The following SLCO3A1 variants were observed in gnomAD, a reference collection of about 807,000 sequenced individuals.
The protein encoded by SLCO3A1 is PGE1 transporter.
In SLCO3A1, 27 loss-of-function variants were observed where a neutral mutation model predicts 63.1. The observed-to-expected ratio is 0.43, with a 90% CI of 0.32 to 0.59. The LOEUF (loss-of-function observed/expected upper bound fraction) is 0.59, where lower values mean the gene tolerates loss of function less well. SLCO3A1 is among the 20% of genes least tolerant of loss of function. The pLI is 0.09. For synonymous variants in SLCO3A1, 473 were observed against 409.9 expected, an observed-to-expected ratio of 1.15 and a Z score of -1.86; for missense variants, 773 against 945.8, an observed-to-expected ratio of 0.82 and a Z score of 2.40.
At chr15:91,884,827 C>T (rs1330212662) in intron 1 of SLCO3A1, among the ~76,000 whole-genome samples, 1 of 151,914 alleles carries the variant, frequency 6.6e-6, no homozygotes, top group African/African-American at 2.4e-5. Context: ...AGGCCCCATG[C>T]TGCATATTTT....
Position 92,013,049 on chromosome 15 carries a change from G to C in SLCO3A1, c.647-81832G>C, listed in dbSNP as rs188649083. On this transcript the variant is annotated intron_variant, in intron 2 of 9. Coordinates refer to ENST00000318445, the MANE Select transcript of SLCO3A1 (RefSeq NM_013272.4). ...GTGGCCCCACAGTTCTGGCTACGAG[G>C]CTTCAGCTTCCAGAGAGAGGGAGAC... Among the ~76,000 whole-genome samples, 679 of 152,330 alleles carry C rather than the reference G, an allele frequency of 4.5e-3. 3 individuals are homozygous for C. Among genetic ancestry groups the C allele is most frequent in the Non-Finnish European group, 5.4e-3 (369 of 68,018 alleles).
intron 2 of SLCO3A1, among the ~76,000 whole-genome samples, chr15:92,094,356 G>A (rs185986948): frequency 5.8e-4 from 88 of 152,242 alleles, no homozygotes; most frequent in Admixed American, 1.0e-3. Flanking sequence ...ATTTACCATC[G>A]TGTGAACTTT....
At position 92,162,861 on chromosome 15, in the gene SLCO3A1, T is replaced by C. The variant is rs1293495664; in HGVS notation, c.1859T>C (p.Val620Ala). ...EQGACVLYDNVVYRYLYVSIA... is the reference protein window; with the variant it reads ...EQGACVLYDNAVYRYLYVSIA... ...GGCGCCTGCGTCCTCTACGACAATGTGGTCTACCGATACCTGTATGTCAGC... is the reference window on the plus strand; with the variant it reads ...GGCGCCTGCGTCCTCTACGACAATGCGGTCTACCGATACCTGTATGTCAGC... The change falls in exon 10 of 10, where the codon GTG becomes GCG. Residue 620 changes from valine to alanine, a missense_variant. By Grantham distance (64) the Val-to-Ala change is moderately conservative. Transcript: ENST00000318445. 1 of 1,614,216 alleles carries C rather than the reference T, an allele frequency of 6.2e-7. No homozygotes were observed. Among genetic ancestry groups the C allele is most frequent in the South Asian group, 1.1e-5 (1 of 91,080 alleles).
intron 2 of SLCO3A1, among the ~76,000 whole-genome samples, chr15:92,030,094 T>G (rs994838861): frequency 6.6e-6 from 1 of 152,230 alleles, no homozygotes; most frequent in Non-Finnish European, 1.5e-5. Flanking sequence ...TCTGCCCACG[T>G]TCCTACCATA....
chr15:92,077,183 C>T (rs1393803450), intron 2 of SLCO3A1, among the ~76,000 whole-genome samples: 1 of 152,126 alleles, frequency 6.6e-6, no homozygotes, highest in Non-Finnish European at 1.5e-5. Context: ...CATGGGGTCC[C>T]TCCCACGACC....
At chr15:91,977,440 G>T (rs1008574570) in intron 2 of SLCO3A1, among the ~76,000 whole-genome samples, 3 of 152,210 alleles carry the variant, frequency 2.0e-5, no homozygotes, top group Non-Finnish European at 4.4e-5. Context: ...AGTTCAGTCA[G>T]TTTGGGGTTA....
rs535685406 is a variant in SLCO3A1 at position 91,863,481 on chromosome 15, G to A, written c.180+9393G>A. On this transcript the variant is annotated intron_variant, in intron 1 of 9. Coordinates refer to ENST00000318445, the MANE Select transcript of SLCO3A1 (RefSeq NM_013272.4). This position sits in a 1 kb window ranked among gnomAD's most constrained non-coding sequence, Gnocchi z 4.3. ...CATCCTTTGGCCGTTTCATTTCTCA[G>A]AGTGCTGCTGTGATAGCACTTGGAA... is the stretch of plus-strand genomic sequence containing the variant. Among the ~76,000 whole-genome samples the A allele has an allele frequency of 4.3e-4, 66 of 152,344 alleles. No homozygotes were observed. Among genetic ancestry groups the A allele is most frequent in the African/African-American group, 1.4e-3 (57 of 41,572 alleles).
At chr15:91,926,558 CGTGTGTGTGTGTGTGTGT>C (rs565234731) in intron 2 of SLCO3A1, among the ~76,000 whole-genome samples, 14 of 126,082 alleles carry the variant, frequency 1.1e-4, no homozygotes, top group African/African-American at 4.4e-4. Context: ...CCTGCCAAGC[CGTGTGTGTGTGTGTGTGT>C]GTGTGTGTGT....
At chr15:91,979,312 G>A (rs989134289) in intron 2 of SLCO3A1, among the ~76,000 whole-genome samples, 1 of 152,182 alleles carries the variant, frequency 6.6e-6, no homozygotes, top group Admixed American at 6.5e-5. Flanking sequence ...TAGCTTGAAG[G>A]TAATTTGATA....
intron 2 of SLCO3A1, among the ~76,000 whole-genome samples, chr15:91,983,539 TC>T (rs1240434592): frequency 6.6e-6 from 1 of 152,172 alleles, no homozygotes; most frequent in Non-Finnish European, 1.5e-5. Context: ...AGAACTGAAA[TC>T]CATCAGAACG....
chr15:91,879,218 C>A (rs1897487173), intron 1 of SLCO3A1, among the ~76,000 whole-genome samples: 1 of 152,074 alleles, frequency 6.6e-6, no homozygotes, highest in African/African-American at 2.4e-5. Context: ...TATTGCTTGA[C>A]CCTGAGTGGG....
At position 92,162,793 on chromosome 15, in the gene SLCO3A1, C is replaced by T. The variant is rs150046342; in HGVS notation, c.1791C>T (p.Ile597=). 5.1e-5 allele frequency: 83 copies of T among 1,613,866 alleles called. No individual in the cohort carries two copies. In the Middle Eastern group the frequency reaches 8.3e-4, roughly 16 times the overall value. Residue 597 remains isoleucine (I), a synonymous_variant, in exon 10 of 10, where the codon ATC becomes ATT. Transcript: ENST00000318445. The stretch of plus-strand genomic sequence containing the variant: ...CACCCCTCATCTTCGGGGCTGGCAT[C>T]GACTCCACCTGCCTGTTCTGGAGCA... ...IPPPLIFGAG[I]DSTCLFWSTF...
chr15:92,039,759 C>T (rs774509931), intron 2 of SLCO3A1, among the ~76,000 whole-genome samples: 8 of 152,142 alleles, frequency 5.3e-5, no homozygotes, highest in East Asian at 1.9e-4. Context: ...AGAAGACACA[C>T]GCACATGTAT....
chr15:92,128,826 A>G (rs968365944), intron 7 of SLCO3A1, among the ~76,000 whole-genome samples: 9 of 152,212 alleles, frequency 5.9e-5, no homozygotes, highest in Admixed American at 5.2e-4. Flanking sequence ...CACCAGAAGT[A>G]TGTCAAGAGA....
chr15:91,901,893 T>G (rs1158246555), intron 1 of SLCO3A1, among the ~76,000 whole-genome samples: 1 of 124,302 alleles, frequency 8.0e-6, no homozygotes. Context: ...GTTTGGGCCA[T>G]TATTTCTTCA....
chr15:92,051,451 G>A (rs973558990), intron 2 of SLCO3A1, among the ~76,000 whole-genome samples: 1 of 151,994 alleles, frequency 6.6e-6, no homozygotes, highest in African/African-American at 2.4e-5. Flanking sequence ...CACAGGGAGG[G>A]ATTCACTAGA....
rs200008253 is a variant in SLCO3A1 at position 91,986,589 on chromosome 15, T to TA, written c.646+70131_646+70132insA. On this transcript the variant is annotated intron_variant, in intron 2 of 9. Transcript: ENST00000318445. Reference sequence around the variant, plus strand: ...TTACTAGTGAGACGTTTACATTCTTTTAAAAAAAAAAAAAAACTAGGTTTC... The same window carrying TA: ...TTACTAGTGAGACGTTTACATTCTTTATAAAAAAAAAAAAAAACTAGGTTTC... 1.6e-3 allele frequency among the ~76,000 whole-genome samples: 235 copies of TA among 150,044 alleles called. 1 individual carries two copies. The highest frequency in any genetic ancestry group is 4.0e-3 in the South Asian group (19 of 4,742).
At chr15:92,116,448 C>T (rs11631993) in intron 4 of SLCO3A1, among the ~76,000 whole-genome samples, 1 of 152,142 alleles carries the variant, frequency 6.6e-6, no homozygotes, top group South Asian at 2.1e-4. Flanking sequence ...AAAGGTTTCT[C>T]CAGCTGGTGA....
At chr15:91,878,686 T>G (rs1019886111) in intron 1 of SLCO3A1, among the ~76,000 whole-genome samples, 1 of 152,188 alleles carries the variant, frequency 6.6e-6, no homozygotes, top group African/African-American at 2.4e-5. Context: ...CTGTCATCTC[T>G]TAGCCGTCTT....
Sources: allele counts gnomAD v4.1 joint callset (sites outside exome capture counted in the v4.1 genomes callset), GRCh38; gene constraint gnomAD v4.1.1; non-coding constraint Gnocchi (gnomAD v3.1); transcripts MANE v1.5; gene names NCBI Gene and HGNC (gene_info 2026-07-23, HGNC 2026-07-21).